Variants in ATP12A observed in about 807,000 individuals in gnomAD.
The protein encoded by ATP12A is ATPase H+/K+ transporting non-gastric alpha2 subunit, also known as potassium-transporting ATPase alpha chain 2.
In ATP12A, 81 loss-of-function variants were observed where a neutral mutation model predicts 111.2. The observed-to-expected ratio is 0.73, with a 90% CI of 0.61 to 0.88. ATP12A has a LOEUF of 0.88. Among genes scored for constraint, ATP12A ranks in the 40% least tolerant of loss-of-function variants. The pLI, the probability that ATP12A is intolerant of heterozygous loss-of-function variation, is 0.00. For missense variants in ATP12A, 1,196 were observed against 1,313.1 expected, an observed-to-expected ratio of 0.91 and a Z score of 1.38; for synonymous variants, 498 against 499.8, an observed-to-expected ratio of 1.00 and a Z score of 0.05.
chr13:24,710,729 G>C, intron 20 of ATP12A, 63 bp from the exon 21 acceptor site: 1 of 1,600,324 alleles, frequency 6.2e-7, no homozygotes, highest in Non-Finnish European at 8.6e-7. Context: ...GGCATGGTCT[G>C]CTGGGTGTAT....
chr13:24,684,293 G>A lies in ATP12A; in HGVS notation c.169-1021G>A, dbSNP rs527731779. ...CAAAACAGAATCTGGCTGAGAAGAG[G>A]GCTAGAAGCAAGATAATAATGATAA... On this transcript the variant is annotated intron_variant, in intron 2 of 22. Transcript: ENST00000381946. 1.4e-4 allele frequency among the ~76,000 whole-genome samples: 21 copies of A among 152,232 alleles called. No homozygotes were observed. In the South Asian group the frequency reaches 4.4e-3, roughly 32 times the overall value.
In ATP12A at chr13:24,707,090, G is replaced by C; in HGVS notation, c.2237G>C (p.Gly746Ala). The C allele has an allele frequency of 6.2e-7, 1 of 1,614,092 alleles. No individual in the cohort carries two copies. Among genetic ancestry groups the C allele is most frequent in the Non-Finnish European group, 8.5e-7 (1 of 1,180,016 alleles). ...CCGGCTCTAAAGAAGGCAGACATTG[G>C]GATTGCCATGGGGATAGCAGGTTCT... is the stretch of plus-strand genomic sequence containing the variant. ...DSPALKKADIGIAMGIAGSDA... is the reference protein window; with the variant it reads ...DSPALKKADIAIAMGIAGSDA... Residue 746 changes from glycine to alanine, a missense_variant, in exon 16 of 23, where the codon GGG (glycine) becomes GCG (alanine). Physicochemically the swap from Gly to Ala is moderately conservative, Grantham distance 60. This residue lies in a region of ATP12A where 1,126 missense variants were observed against 1,228.5 expected (regional missense o/e 0.92). Transcript: ENST00000381946.
At position 24,709,397 on chromosome 13, in the gene ATP12A, G is replaced by A. The variant is rs781024371; in HGVS notation, c.2527G>A (p.Glu843Lys). Residue 843 changes from glutamate (E) to lysine (K), a missense_variant, in exon 18 of 23, where the codon GAA becomes AAA. Transcript: ENST00000381946. ...CATTGCCTTGGCGTACGAGAAAGCT[G>A]AAAGTGACATCATGAACAGGAAGCC... ...PSIALAYEKAESDIMNRKPRH... is the reference protein window; with the variant it reads ...PSIALAYEKAKSDIMNRKPRH... 5 of 1,613,670 alleles carry A rather than the reference G, an allele frequency of 3.1e-6. No homozygotes were observed. The highest frequency in any genetic ancestry group is 4.2e-6 in the Non-Finnish European group (5 of 1,179,966).
rs1875952551 is a variant in ATP12A at position 24,711,242 on chromosome 13, G to C, written c.3000-76G>C. On this transcript the variant is annotated intron_variant, in intron 21 of 22. Coordinates refer to ENST00000381946, the MANE Select transcript of ATP12A (RefSeq NM_001676.7). ...GTAAAGCAAGACAAATGAACGAGAA[G>C]CCCCATTCCCATTGGGCAGGGTTGG... 5.3e-6 allele frequency: 7 copies of C among 1,324,886 alleles called. No homozygotes were observed. In the South Asian group the frequency reaches 7.7e-5, roughly 15 times the overall value. The allele number at this position is 1,324,886 out of a possible 1,614,324, so 82.1% of individuals were successfully genotyped here. A position where few individuals can be genotyped will look rare whatever the true frequency, so the allele number is the denominator to read the frequency against.
At position 24,700,862 on chromosome 13, in the gene ATP12A, C is replaced by T. The variant is rs757573990; in HGVS notation, c.1821C>T (p.Ile607=). The T allele has an allele frequency of 1.2e-5, 20 of 1,614,018 alleles. No individual in the cohort carries two copies. The highest frequency in any genetic ancestry group is 1.4e-5 in the Non-Finnish European group (17 of 1,180,036). The change falls in exon 13 of 23, where the codon ATC becomes ATT. Residue 607 remains isoleucine (I), a synonymous_variant. Coordinates refer to ENST00000381946, the MANE Select transcript of ATP12A (RefSeq NM_001676.7). ...GTTTTGTGGGACTCTTGTCAATGAT[C>T]GATCCCCCTCGGTCCACCGTGCCAG... ...NLCFVGLLSM[I]DPPRSTVPDA... is the part of the protein sequence containing the mutation.
intron 13 of ATP12A, among the ~76,000 whole-genome samples, chr13:24,701,328 G>A (rs144537699): frequency 2.2e-3 from 331 of 151,806 alleles, no homozygotes; most frequent in African/African-American, 7.6e-3. Context: ...GTGAAACCCC[G>A]TTTCTACTAA....
At chr13:24,709,284 A>ACCCCCC in intron 17 of ATP12A, 80 bp from the exon 18 acceptor site, 1 of 57,480 alleles carries the variant, frequency 1.7e-5, no homozygotes, top group Non-Finnish European at 3.6e-5. Flanking sequence ...CCAGTGCCCC[A>ACCCCCC]CCCACCCCAG....
rs1874625509 is a variant in ATP12A at position 24,685,233 on chromosome 13, C to T, written c.169-81C>T. ...CCATCCTCAGGGCTGCTACTCCCAG[C>T]TTCCATGGCTGGTCAAAGCTTGGGG... On this transcript the variant is annotated intron_variant, in intron 2 of 22. Coordinates refer to ENST00000381946, the MANE Select transcript of ATP12A (RefSeq NM_001676.7). This position sits in a 1 kb window ranked among gnomAD's most constrained non-coding sequence, Gnocchi z 5.5. The T allele has an allele frequency of 7.2e-7, 1 of 1,392,854 alleles. No homozygotes were observed. Among genetic ancestry groups the T allele is most frequent in the Non-Finnish European group, 1.0e-6 (1 of 980,074 alleles). The allele number at this position is 1,392,854 out of a possible 1,614,324, so 86.3% of individuals were successfully genotyped here. A position where few individuals can be genotyped will look rare whatever the true frequency, so the allele number is the denominator to read the frequency against.
At position 24,711,678 on chromosome 13, in the gene ATP12A, A is replaced by G; in HGVS notation, c.*156A>G. 1.0e-6 allele frequency: 1 copy of G among 968,302 alleles called. No homozygotes were observed. The highest frequency in any genetic ancestry group is 2.5e-5 in the East Asian group (1 of 39,280). 60.0% of individuals were successfully genotyped at this position (968,302 alleles called of 1,614,324 possible). ...AAAGCTGTATGCAGGATGCTCACTGATGTTTTGCACTTTAAAACTGAAATT... is the reference window on the plus strand; with the variant it reads ...AAAGCTGTATGCAGGATGCTCACTGGTGTTTTGCACTTTAAAACTGAAATT... On this transcript the variant is annotated 3_prime_UTR_variant, in exon 23 of 23. Coordinates refer to ENST00000381946, the MANE Select transcript of ATP12A (RefSeq NM_001676.7).
chr13:24,686,911 G>A (rs1050679894), intron 3 of ATP12A, among the ~76,000 whole-genome samples: 4 of 152,052 alleles, frequency 2.6e-5, no homozygotes, highest in Non-Finnish European at 4.4e-5. Flanking sequence ...TGGGGTGGGG[G>A]CAGGGAGGTG....
intron 12 of ATP12A, among the ~76,000 whole-genome samples, chr13:24,699,464 GC>G (rs566181660): frequency 7.7e-4 from 118 of 152,348 alleles, no homozygotes; most frequent in African/African-American, 2.8e-3. Flanking sequence ...GGAAGCAGCT[GC>G]CCTTGCTCAG....
At position 24,682,557 on chromosome 13, in the gene ATP12A, C is replaced by T. The variant is rs575580278; in HGVS notation, c.168+837C>T. ...ACAGGCATGGCCAGACCTCTCTCCC[C>T]GCAGCTGCTTCAGTGAGAGTTAAGT... On this transcript the variant is annotated intron_variant, in intron 2 of 22. Transcript: ENST00000381946. Among the ~76,000 whole-genome samples, 395 of 152,244 alleles carry T rather than the reference C, an allele frequency of 2.6e-3. 6 individuals are homozygous for T. The highest frequency in any genetic ancestry group is 3.4e-3 in the Middle Eastern group (1 of 294).
intron 17 of ATP12A, 68 bp from the exon 18 acceptor site, chr13:24,709,296 C>G: frequency 1.8e-6 from 2 of 1,103,746 alleles, no homozygotes; most frequent in Non-Finnish European, 2.5e-6. Flanking sequence ...CCACCCCAGC[C>G]CCCCTCCCCT....
rs1404787328 is a variant in ATP12A at position 24,690,633 on chromosome 13, T to G, written c.711T>G (p.Ser237=). The change falls in exon 7 of 23, where the codon TCT becomes TCG. Residue 237 remains serine (S), a synonymous_variant. Transcript: ENST00000381946. ...RVDNSSLTGE[S]EPQPRSSEFT... ...ATAACTCATCTCTCACGGGGGAGTCTGAGCCCCAGCCCCGCTCCTCTGAGT... is the reference window on the plus strand; with the variant it reads ...ATAACTCATCTCTCACGGGGGAGTCGGAGCCCCAGCCCCGCTCCTCTGAGT... 6.2e-7 allele frequency: 1 copy of G among 1,613,128 alleles called. No individual in the cohort carries two copies. Among genetic ancestry groups the G allele is most frequent in the Non-Finnish European group, 8.5e-7 (1 of 1,179,718 alleles).
At position 24,690,722 on chromosome 13, in the gene ATP12A, G is replaced by A; in HGVS notation, c.799+1G>A. ...TTCTATTCCACAACGTGTCTGGAAG[G>A]TAAAAGGCCTCTGGCTCTCAGCCCA... On this transcript the variant is annotated splice_donor_variant, in intron 7 of 22. Coordinates refer to ENST00000381946, the MANE Select transcript of ATP12A (RefSeq NM_001676.7). LOFTEE classifies it high-confidence loss of function. 1 of 1,611,232 alleles carries A rather than the reference G, an allele frequency of 6.2e-7. No individual in the cohort carries two copies. Among genetic ancestry groups the A allele is most frequent in the African/African-American group, 1.3e-5 (1 of 74,914 alleles).
In ATP12A at chr13:24,683,898, C is replaced by T. The variant is rs574711336; in HGVS notation, c.169-1416C>T. 6.3e-4 allele frequency among the ~76,000 whole-genome samples: 96 copies of T among 152,270 alleles called. 1 individual carries two copies. The highest frequency in any genetic ancestry group is 2.3e-3 in the African/African-American group (94 of 41,558). On this transcript the variant is annotated intron_variant, in intron 2 of 22. Transcript: ENST00000381946. ...GTAATTTTCAGCAGCATATTGAATGCTTTTGCCTCCCAACCTTTCTTGGCA... is the reference window on the plus strand; with the variant it reads ...GTAATTTTCAGCAGCATATTGAATGTTTTTGCCTCCCAACCTTTCTTGGCA...
Position 24,694,519 on chromosome 13 carries a change from A to G in ATP12A, c.1453A>G (p.Ile485Val), listed in dbSNP as rs1173885714. 6.2e-7 allele frequency: 1 copy of G among 1,614,062 alleles called. No homozygotes were observed. The highest frequency in any genetic ancestry group is 1.3e-5 in the African/African-American group (1 of 74,932). ...SEVILGDVME[I>V]RKRNRKVAEI... ...GGTCATTTTGGGTGATGTGATGGAAATTAGAAAAAGAAACCGCAAAGTAGC... is the reference window on the plus strand; with the variant it reads ...GGTCATTTTGGGTGATGTGATGGAAGTTAGAAAAAGAAACCGCAAAGTAGC... The change falls in exon 11 of 23, where the codon ATT becomes GTT. Residue 485 changes from isoleucine to valine, a missense_variant. By Grantham distance (29) the Ile-to-Val change is conservative. Around this residue, in one of 3 missense-constraint regions of ATP12A, gnomAD observed 1,126 missense variants for 1,228.5 expected, o/e 0.92. Coordinates refer to ENST00000381946, the MANE Select transcript of ATP12A (RefSeq NM_001676.7).
chr13:24,682,394 T>C (rs1262440491), intron 2 of ATP12A, among the ~76,000 whole-genome samples: 1 of 148,956 alleles, frequency 6.7e-6, no homozygotes, highest in African/African-American at 2.5e-5. Flanking sequence ...TGGTGTGTGG[T>C]GTGTGTATGT....
intron 2 of ATP12A, among the ~76,000 whole-genome samples, 159 bp downstream of exon 2, chr13:24,681,879 G>GGT (rs1329893793): frequency 4.7e-5 from 7 of 148,582 alleles, no homozygotes; most frequent in Admixed American, 1.4e-4. Flanking sequence ...GTGTCTGTGT[G>GGT]GTGTGTGTGT....
Sources: gnomAD v4.1 joint callset for allele counts (sites outside exome capture counted in the v4.1 genomes callset) on GRCh38, gnomAD v4.1.1 for gene constraint, gnomAD v4.1.1 regional missense constraint, Gnocchi (gnomAD v3.1) non-coding constraint, MANE v1.5 for transcripts, NCBI Gene and HGNC (gene_info 2026-07-23, HGNC 2026-07-21) for gene names.